CBLN2: variants seen among roughly 807,000 people sequenced by gnomAD.
CBLN2 encodes the protein cerebellin 2 precursor.
In CBLN2, 7 loss-of-function variants were observed where a neutral mutation model predicts 15.0. The observed-to-expected ratio is 0.47, with a 90% confidence interval of 0.27 to 0.88. CBLN2 has a LOEUF of 0.88. CBLN2 is among the 40% of genes least tolerant of loss of function. CBLN2 has a pLI of 0.14. For synonymous variants in CBLN2, 149 were observed against 135.2 expected (o/e 1.10, Z -0.71); for missense variants, 242 against 304.5 (o/e 0.79, Z 1.53).
At chr18:72,588,665 G>A (rs1479004428) in intron 1 of CBLN2, among the ~76,000 whole-genome samples, 2 of 152,140 alleles carry the variant, frequency 1.3e-5, no homozygotes, top group African/African-American at 4.8e-5. Context: ...GAACCCTCTT[G>A]GATGGGAAAG....
At chr18:72,583,300 C>G (rs2069419376) in intron 1 of CBLN2, among the ~76,000 whole-genome samples, 1 of 152,194 alleles carries the variant, frequency 6.6e-6, no homozygotes, top group African/African-American at 2.4e-5. Flanking sequence ...CCTCATCTAC[C>G]TGGACTTTGG....
chr18:72,576,933 TTA>T (rs929136221), intron 1 of CBLN2, among the ~76,000 whole-genome samples: 2 of 147,964 alleles, frequency 1.4e-5, no homozygotes, highest in African/African-American at 4.9e-5. Context: ...TTCTAGAATT[TTA>T]TATATATATA....
chr18:72,579,619 C>G (rs1171504991), intron 1 of CBLN2, among the ~76,000 whole-genome samples: 1 of 152,034 alleles, frequency 6.6e-6, no homozygotes, highest in East Asian at 1.9e-4. Context: ...GTAATCCCAG[C>G]TACTTGGGAG....
rs552946666 is a variant in CBLN2 at position 72,625,644 on chromosome 18, C to CTAT, written c.15+12678_15+12680dup. On this transcript the variant is annotated intron_variant, in intron 1 of 2. Coordinates refer to the CBLN2 transcript ENST00000581073. ...ATATATATAAATATACAGTATTACT[C>CTAT]TATTATTATTATTATAGGATTATAT... Among the ~76,000 whole-genome samples the CTAT allele has an allele frequency of 1.4e-3, 190 of 140,314 alleles. 1 individual carries two copies. The highest frequency in any genetic ancestry group is 4.8e-3 in the African/African-American group (185 of 38,686). 92.1% of individuals were successfully genotyped at this position (140,314 alleles called of 152,430 possible).
At chr18:72,621,771 T>A (rs1009237855) in intron 1 of CBLN2, among the ~76,000 whole-genome samples, 1 of 152,182 alleles carries the variant, frequency 6.6e-6, no homozygotes, top group Non-Finnish European at 1.5e-5. Flanking sequence ...CCCTGCAAAA[T>A]AGGACTATGT....
chr18:72,588,704 T>C (rs1346440950), intron 1 of CBLN2, among the ~76,000 whole-genome samples: 1 of 152,104 alleles, frequency 6.6e-6, no homozygotes, highest in Non-Finnish European at 1.5e-5. Context: ...AGGGAAAGTG[T>C]TGGCAAAAGT....
chr18:72,634,691 T>C (rs1467213662), intron 1 of CBLN2, among the ~76,000 whole-genome samples: 2 of 152,186 alleles, frequency 1.3e-5, no homozygotes, highest in South Asian at 2.1e-4. Context: ...CACAGTGGCC[T>C]CCTGTGGCCA....
At chr18:72,604,624 C>G (rs2069571567) in intron 1 of CBLN2, among the ~76,000 whole-genome samples, 1 of 152,146 alleles carries the variant, frequency 6.6e-6, no homozygotes, top group African/African-American at 2.4e-5. Flanking sequence ...AGAGCTCTTT[C>G]CTCATGAATG....
intron 1 of CBLN2, among the ~76,000 whole-genome samples, chr18:72,623,637 C>A (rs1322024303): frequency 6.6e-6 from 1 of 152,104 alleles, no homozygotes; most frequent in East Asian, 1.9e-4. Flanking sequence ...AACCACTGGC[C>A]TGAGTTTGCC....
intron 1 of CBLN2, among the ~76,000 whole-genome samples, chr18:72,583,419 C>G (rs370060951): frequency 1.2e-4 from 19 of 152,122 alleles, no homozygotes; most frequent in African/African-American, 4.3e-4. Context: ...CAAGCATACA[C>G]TCATGCTATA....
intron 1 of CBLN2, among the ~76,000 whole-genome samples, chr18:72,580,436 C>A (rs998475114): frequency 6.6e-6 from 1 of 152,146 alleles, no homozygotes; most frequent in Non-Finnish European, 1.5e-5. Flanking sequence ...AGGTTTGTTT[C>A]TATCATAACC....
intron 1 of CBLN2, among the ~76,000 whole-genome samples, chr18:72,597,510 G>C (rs957374801): frequency 2.0e-5 from 3 of 152,136 alleles, no homozygotes; most frequent in African/African-American, 7.2e-5. Context: ...ATAGTACAAG[G>C]CCTTGTCCAA....
At chr18:72,542,909 C>CACACA (rs1246258041) in intron 2 of CBLN2, 1 of 131,652 alleles carries the variant, frequency 7.6e-6, no homozygotes, top group African/African-American at 2.9e-5. Context: ...GGAAATGACA[C>CACACA]CACACACACA....
intron 1 of CBLN2, among the ~76,000 whole-genome samples, chr18:72,588,319 C>T (rs1202267877): frequency 6.6e-6 from 1 of 152,230 alleles, no homozygotes; most frequent in East Asian, 1.9e-4. Context: ...CCCACTGAAT[C>T]TAAATGTTTT....
intron 1 of CBLN2, among the ~76,000 whole-genome samples, chr18:72,636,497 A>G (rs2069813496): frequency 6.6e-6 from 1 of 152,174 alleles, no homozygotes; most frequent in Non-Finnish European, 1.5e-5. Context: ...TCTTTATCAA[A>G]TTTGGGTCAT....
chr18:72,572,241 C>A (rs2069337159), intron 1 of CBLN2, among the ~76,000 whole-genome samples: 1 of 151,642 alleles, frequency 6.6e-6, no homozygotes, highest in African/African-American at 2.4e-5. Context: ...ACTAAGGATC[C>A]ATTATCTGGC....
At chr18:72,597,600 C>T (rs1036073136) in intron 1 of CBLN2, among the ~76,000 whole-genome samples, 2 of 152,172 alleles carry the variant, frequency 1.3e-5, no homozygotes, top group African/African-American at 4.8e-5. Context: ...GTGGTGAATC[C>T]AGCCAGGCTC....
At chr18:72,575,650 G>A (rs1469084397) in intron 1 of CBLN2, among the ~76,000 whole-genome samples, 3 of 152,104 alleles carry the variant, frequency 2.0e-5, no homozygotes, top group Admixed American at 6.5e-5. Context: ...GCGACTGGGC[G>A]GAGTCCATAG....
intron 1 of CBLN2, among the ~76,000 whole-genome samples, chr18:72,605,369 C>T (rs989077735): frequency 6.6e-6 from 1 of 152,144 alleles, no homozygotes; most frequent in Admixed American, 6.5e-5. Context: ...TAATTACTGA[C>T]GTTCTGTTAA....
Sources: gnomAD v4.1 joint callset for allele counts (sites outside exome capture counted in the v4.1 genomes callset) on GRCh38, gnomAD v4.1.1 for gene constraint, MANE v1.5 for transcripts, NCBI Gene and HGNC (gene_info 2026-07-23, HGNC 2026-07-21) for gene names.